Variants in PPEF2 observed in about 807,000 individuals in gnomAD.
PPEF2 encodes serine/threonine-protein phosphatase with EF-hands 2.
Under a neutral mutation model 84.7 loss-of-function variants are expected in PPEF2, and 84 were observed. That is an observed-to-expected ratio of 0.99 (90% confidence interval 0.83 to 1.19). The LOEUF is 1.19. PPEF2 is among the 50% of genes most tolerant of loss of function. The pLI is 0.00. For missense variants in PPEF2, 924 were observed against 937.5 expected, an observed-to-expected ratio of 0.99 and a Z score of 0.19; for synonymous variants, 346 against 345.2, an observed-to-expected ratio of 1.00 and a Z score of -0.03.
intron 1 of PPEF2, among the ~76,000 whole-genome samples, chr4:75,901,772 T>C (rs1578019908): frequency 1.3e-5 from 2 of 152,270 alleles, no homozygotes; most frequent in East Asian, 3.9e-4. Flanking sequence ...AGAATTTGAC[T>C]TAGCATCATC....
At chr4:75,867,479 AT>A (rs1348782973) in intron 13 of PPEF2, 60 bp from the exon 14 acceptor site, 2 of 1,191,228 alleles carry the variant, frequency 1.7e-6, no homozygotes, top group Non-Finnish European at 2.5e-6. Flanking sequence ...ATACTTAGAG[AT>A]TTTACTATAT....
chr4:75,876,315 CGCA>C lies in PPEF2; in HGVS notation c.1289_1291del (p.Leu430del). The C allele has an allele frequency of 6.2e-7, 1 of 1,610,786 alleles. No homozygotes were observed. The highest frequency in any genetic ancestry group is 2.2e-5 in the East Asian group (1 of 44,850). On this transcript the variant is annotated inframe_deletion, in exon 11 of 17. Transcript: ENST00000286719. ...CCTCCACTCCTCCTGAGTGGGCTTC[CGCA>C]GCTCTCCGGCTTCAGAGTCTGCTTC...
At chr4:75,883,557 G>A (rs1368296480) in intron 8 of PPEF2, 25 of 217,388 alleles carry the variant, frequency 1.2e-4, no homozygotes, top group Middle Eastern at 1.9e-3. Context: ...GGTGGCTCAC[G>A]CCTGTAGTCC....
intron 2 of PPEF2, 111 bp downstream of exon 2, chr4:75,896,160 G>T: frequency 2.5e-6 from 3 of 1,193,446 alleles, no homozygotes; most frequent in South Asian, 1.2e-5. Context: ...GAGCTGGCCT[G>T]AGGAGAAATT....
At chr4:75,881,935 T>A (rs539911850) in intron 10 of PPEF2, 1 of 152,346 alleles carries the variant, frequency 6.6e-6, no homozygotes, top group Admixed American at 6.5e-5. Flanking sequence ...TTGTTCCCTG[T>A]CTTTGGAACT....
Position 75,872,023 on chromosome 4 carries a change from G to T in PPEF2, c.1649+2C>A. 6.3e-7 allele frequency: 1 copy of T among 1,581,620 alleles called. No homozygotes were observed. The highest frequency in any genetic ancestry group is 2.0e-5 in the Admixed American group (1 of 51,078). On this transcript the variant is annotated splice_donor_variant, in intron 13 of 16. Transcript: ENST00000286719. LOFTEE classifies it high-confidence loss of function. ...TGAAAATCACTCATTGAAAAGTCTT[G>T]CCTTTGCCTCATGGTGAGTGTGTGG...
chr4:75,890,013 A>C lies in PPEF2; in HGVS notation c.361T>G (p.Phe121Val), dbSNP rs767975700. 54 of 1,614,022 alleles carry C rather than the reference A, an allele frequency of 3.3e-5. No homozygotes were observed. Among genetic ancestry groups the C allele is most frequent in the Non-Finnish European group, 4.6e-5 (54 of 1,180,028 alleles). ...PDSYTGPRLS[F>V]PLLPDHATAL... ...GTTGCATGGTCAGGCAGGAGTGGGA[A>C]GGAGAGGCGTGGCCCCGTGTAACTG... The change falls in exon 5 of 17, where the codon TTC becomes GTC. Residue 121 changes from phenylalanine (F) to valine (V), a missense_variant. Transcript: ENST00000286719.
chr4:75,897,777 AAAC>A (rs368624134), intron 1 of PPEF2, among the ~76,000 whole-genome samples: 34 of 152,164 alleles, frequency 2.2e-4, no homozygotes, highest in Admixed American at 5.2e-4. Flanking sequence ...ACTCTGCCTA[AAAC>A]AACAACAACA....
intron 6 of PPEF2, among the ~76,000 whole-genome samples, chr4:75,887,807 T>C (rs1445579087): frequency 6.6e-6 from 1 of 152,066 alleles, no homozygotes; most frequent in Admixed American, 6.6e-5. Context: ...GGGAAAACAG[T>C]CATTAACAGG....
rs1724965041 is a variant in PPEF2 at position 75,894,590 on chromosome 4, G to A, written c.55+1681C>T. 2.6e-5 allele frequency among the ~76,000 whole-genome samples: 4 copies of A among 152,196 alleles called. 1 individual carries two copies. The South Asian group carries it at 8.3e-4, about 32-fold the overall frequency. On this transcript the variant is annotated intron_variant, in intron 2 of 16. Transcript: ENST00000286719. Reference sequence around the variant, plus strand: ...AGTTAGAGGCACTGAAGTCAGGCAGGCCCCAGGGGAATCTCAACCAGACAC... The same window carrying A: ...AGTTAGAGGCACTGAAGTCAGGCAGACCCCAGGGGAATCTCAACCAGACAC...
chr4:75,860,368 TGAGA>T lies in PPEF2; in HGVS notation c.*295_*298del. On this transcript the variant is annotated 3_prime_UTR_variant, in exon 17 of 17. Coordinates refer to ENST00000286719, the MANE Select transcript of PPEF2 (RefSeq NM_006239.3). ...AAAAAAACGTATAAAATGAAAACAA[TGAGA>T]GAGTTACATTGTCAGTGGTTCTTAA... 3 of 357,664 alleles carry T rather than the reference TGAGA, an allele frequency of 8.4e-6. No individual in the cohort carries two copies. Among genetic ancestry groups the T allele is most frequent in the Non-Finnish European group, 1.5e-5 (3 of 196,050 alleles). 22.2% of individuals were successfully genotyped at this position (357,664 alleles called of 1,614,324 possible).
At chr4:75,871,967 A>ACACTATATGAACATTCTATGAAC in intron 13 of PPEF2, 58 bp downstream of exon 13, 1 of 1,490,552 alleles carries the variant, frequency 6.7e-7, no homozygotes, top group East Asian at 2.3e-5. Flanking sequence ...ACTTCATTCA[A>ACACTATATGAACATTCTATGAAC]AGATTCTATG....
chr4:75,890,718 G>A (rs1038414410), intron 4 of PPEF2, among the ~76,000 whole-genome samples: 4 of 152,146 alleles, frequency 2.6e-5, no homozygotes, highest in African/African-American at 9.7e-5. Context: ...CAGAAGGAAA[G>A]GGGAAAGCCA....
At position 75,867,804 on chromosome 4, in the gene PPEF2, AC is replaced by A. The variant is rs553474100; in HGVS notation, c.1650-386del. ...TACAGCACTTAGAAGAAAGCCTGGC[AC>A]ATAGAAAGCACTCACCAAATAGTAT... On this transcript the variant is annotated intron_variant, in intron 13 of 16. Transcript: ENST00000286719. Among the ~76,000 whole-genome samples the A allele has an allele frequency of 5.9e-5, 9 of 152,240 alleles. No individual in the cohort carries two copies. In the South Asian group the frequency reaches 1.9e-3, roughly 32 times the overall value.
At position 75,866,257 on chromosome 4, in the gene PPEF2, A is replaced by G. The variant is rs1309527763; in HGVS notation, c.1852T>C (p.Ser618Pro). The G allele has an allele frequency of 6.2e-7, 1 of 1,614,118 alleles. No individual in the cohort carries two copies. The highest frequency in any genetic ancestry group is 2.2e-5 in the East Asian group (1 of 44,888). ...TTGTACTCCAGCATGTTGTCTGCTGAGCTGTTCACCAGCTGTGGCCTCAGC... is the reference window on the plus strand; with the variant it reads ...TTGTACTCCAGCATGTTGTCTGCTGGGCTGTTCACCAGCTGTGGCCTCAGC... ...RMLRPQLVNS[S>P]ADNMLEYKSW... Residue 618 changes from serine to proline, a missense_variant, in exon 15 of 17, where the codon TCA (serine) becomes CCA (proline). Ser to Pro is a moderately conservative substitution (Grantham distance 74). Coordinates refer to ENST00000286719, the MANE Select transcript of PPEF2 (RefSeq NM_006239.3).
intron 10 of PPEF2, among the ~76,000 whole-genome samples, chr4:75,881,102 A>AT (rs33943154): frequency 0.59 from 81,688 of 138,018 alleles, 25,019 homozygotes; most frequent in East Asian, 0.97. Context: ...ATCCAGCATA[A>AT]TTTTTTTTTT....
intron 16 of PPEF2, among the ~76,000 whole-genome samples, chr4:75,862,677 T>G (rs1724035882): frequency 2.0e-5 from 3 of 152,122 alleles, no homozygotes; most frequent in Admixed American, 2.0e-4. Context: ...GTAGAGAAAC[T>G]GGAACCCTCA....
intron 4 of PPEF2, among the ~76,000 whole-genome samples, chr4:75,890,962 C>A (rs1395311699): frequency 6.6e-6 from 1 of 152,108 alleles, no homozygotes; most frequent in Non-Finnish European, 1.5e-5. Context: ...GCAGGTGGAT[C>A]GCTTGAGGCC....
At chr4:75,900,601 G>A (rs967372973) in intron 1 of PPEF2, among the ~76,000 whole-genome samples, 2 of 152,144 alleles carry the variant, frequency 1.3e-5, no homozygotes, top group Admixed American at 6.6e-5. Flanking sequence ...TAATGGTAAC[G>A]TCATTACAGG....
Sources: allele counts gnomAD v4.1 joint callset (sites outside exome capture counted in the v4.1 genomes callset), GRCh38; gene constraint gnomAD v4.1.1; transcripts MANE v1.5; gene names NCBI Gene and HGNC (gene_info 2026-07-23, HGNC 2026-07-21).